Variants in KCNN2 observed in about 807,000 individuals in gnomAD.
The protein encoded by KCNN2 is potassium calcium-activated channel subfamily N member 2.
In KCNN2, 24 loss-of-function variants were observed where a neutral mutation model predicts 55.5. The ratio of observed to expected loss-of-function variants is 0.43; its 90% CI spans 0.31 to 0.61. The LOEUF is 0.61. KCNN2 is among the 20% of genes least tolerant of loss of function. KCNN2 has a pLI of 0.08. For synonymous variants in KCNN2, 431 were observed against 336.1 expected (o/e 1.28, Z -3.09); for missense variants, 754 against 853.6 (o/e 0.88, Z 1.45).
intron 2 of KCNN2, among the ~76,000 whole-genome samples, chr5:114,295,179 A>G (rs1755981535): frequency 6.6e-6 from 1 of 152,210 alleles, no homozygotes; most frequent in Admixed American, 6.5e-5. Context: ...CAGTCTGCCC[A>G]TTCTCAGATC....
At chr5:114,495,624 C>A (rs150141570) in intron 7 of KCNN2, among the ~76,000 whole-genome samples, 13 of 152,302 alleles carry the variant, frequency 8.5e-5, no homozygotes, top group African/African-American at 3.1e-4. Flanking sequence ...TTTTGTCTAT[C>A]CTGATACCAC....
In KCNN2 at chr5:114,420,611, G is replaced by C. The variant is rs115399202; in HGVS notation, c.1637+15755G>C. ...CAATACTACCTTTTCCATAAACAACGTTCATTCCTTAGAAGAGTATAAAAG... is the reference window on the plus strand; with the variant it reads ...CAATACTACCTTTTCCATAAACAACCTTCATTCCTTAGAAGAGTATAAAAG... On this transcript the variant is annotated intron_variant, in intron 3 of 7. Coordinates refer to ENST00000673685, the MANE Select transcript of KCNN2 (RefSeq NM_021614.4). Among the ~76,000 whole-genome samples, 1,057 of 152,228 alleles carry C rather than the reference G, an allele frequency of 6.9e-3. 10 individuals are homozygous for C. Among genetic ancestry groups the C allele is most frequent in the Admixed American group, 0.01 (157 of 15,300 alleles).
chr5:114,289,851 A>G (rs537434780), intron 2 of KCNN2, among the ~76,000 whole-genome samples: 1 of 152,304 alleles, frequency 6.6e-6, no homozygotes, highest in South Asian at 2.1e-4. Flanking sequence ...GCAATGTCCT[A>G]CAATTTTCAG....
chr5:114,091,900 G>A (rs938087347), intron 1 of KCNN2, among the ~76,000 whole-genome samples: 1 of 152,154 alleles, frequency 6.6e-6, no homozygotes, highest in African/African-American at 2.4e-5. Context: ...GGATTATGGG[G>A]ATTATGATTC....
intron 2 of KCNN2, among the ~76,000 whole-genome samples, chr5:114,294,325 C>A (rs1001941651): frequency 6.6e-6 from 1 of 151,924 alleles, no homozygotes; most frequent in Non-Finnish European, 1.5e-5. Context: ...CTCTTGTGGG[C>A]ATTTAGTGCT....
chr5:114,148,962 A>T (rs537568641), intron 1 of KCNN2, among the ~76,000 whole-genome samples: 1 of 152,124 alleles, frequency 6.6e-6, no homozygotes, highest in African/African-American at 2.4e-5. Context: ...AGTCAGCCCA[A>T]CCAGAAATAG....
rs1031147131 is a variant in KCNN2, at chr5:114,105,563, A to G, written c.-271+49063A>G. 2.0e-5 allele frequency among the ~76,000 whole-genome samples: 3 copies of G among 152,110 alleles called. No individual in the cohort carries two copies. In the East Asian group the frequency reaches 5.8e-4, roughly 29 times the overall value. ...AAGATGTGCTTTGCTTCCATTTATAACAATGTGTATACAATACTGCATTCA... is the reference window on the plus strand; with the variant it reads ...AAGATGTGCTTTGCTTCCATTTATAGCAATGTGTATACAATACTGCATTCA... On this transcript the variant is annotated intron_variant, in intron 1 of 10. Transcript: ENST00000512097.
chr5:114,270,914 G>A (rs1282172796), intron 2 of KCNN2, among the ~76,000 whole-genome samples: 1 of 152,168 alleles, frequency 6.6e-6, no homozygotes, highest in Non-Finnish European at 1.5e-5. Context: ...GACTTCAGGA[G>A]TGAAGCTGCA....
At chr5:114,224,306 A>G (rs1364590194) in intron 2 of KCNN2, among the ~76,000 whole-genome samples, 1 of 152,202 alleles carries the variant, frequency 6.6e-6, no homozygotes, top group African/African-American at 2.4e-5. Context: ...GATATGTTCA[A>G]TACTTTTGGT....
At chr5:114,166,625 A>G (rs1037763467) in intron 1 of KCNN2, among the ~76,000 whole-genome samples, 3 of 152,136 alleles carry the variant, frequency 2.0e-5, no homozygotes, top group African/African-American at 7.2e-5. Context: ...TTCTCTTGGG[A>G]GGCTTTCTTC....
chr5:114,106,643 GT>G (rs149036166), intron 1 of KCNN2, among the ~76,000 whole-genome samples: 106 of 69,914 alleles, frequency 1.5e-3, no homozygotes, highest in East Asian at 4.2e-3. Flanking sequence ...TTTTCCAGTT[GT>G]TTTTTTTTTT....
At chr5:114,380,685 T>C (rs1211394172) in intron 2 of KCNN2, among the ~76,000 whole-genome samples, 2 of 152,238 alleles carry the variant, frequency 1.3e-5, no homozygotes, top group African/African-American at 4.8e-5. Context: ...ATGACCTCTG[T>C]GATCCTTTGT....
At chr5:114,194,373 C>CT (rs1255455396) in intron 1 of KCNN2, among the ~76,000 whole-genome samples, 2 of 151,894 alleles carry the variant, frequency 1.3e-5, no homozygotes, top group Non-Finnish European at 2.9e-5. Context: ...TGTTGTCTGT[C>CT]TTTTTTATTA....
intron 2 of KCNN2, among the ~76,000 whole-genome samples, chr5:114,287,958 G>C (rs560117116): frequency 6.6e-6 from 1 of 152,258 alleles, no homozygotes; most frequent in South Asian, 2.1e-4. Context: ...ATGGTGCACA[G>C]AGATTAAAGG....
At chr5:114,180,984 C>T (rs1205919643) in intron 1 of KCNN2, among the ~76,000 whole-genome samples, 2 of 152,070 alleles carry the variant, frequency 1.3e-5, no homozygotes, top group Admixed American at 6.6e-5. Flanking sequence ...CTTTTTTATT[C>T]TTAAGTAGTA....
intron 4 of KCNN2, among the ~76,000 whole-genome samples, chr5:114,466,153 T>TAAAAGAAAACCACTCACTACCCTTC (rs559407090): frequency 1.0e-3 from 156 of 152,276 alleles, no homozygotes; most frequent in African/African-American, 3.6e-3. Context: ...ATAGAAGAAA[T>TAAAAGAAAACCACTCACTACCCTTC]AAAAGAAAAC....
intron 1 of KCNN2, among the ~76,000 whole-genome samples, chr5:114,154,809 G>T (rs1016932220): frequency 6.6e-6 from 1 of 152,086 alleles, no homozygotes; most frequent in African/African-American, 2.4e-5. Context: ...CATTACTAGG[G>T]TTGATCAGAC....
chr5:114,155,840 C>T (rs181238401), intron 1 of KCNN2, among the ~76,000 whole-genome samples: 98 of 152,256 alleles, frequency 6.4e-4, no homozygotes, highest in South Asian at 4.4e-3. Context: ...TGTCTGTTCA[C>T]TCTGTTGGTA....
Position 114,271,452 on chromosome 5 carries a change from A to T in KCNN2, c.-185+49887A>T, listed in dbSNP as rs201047557. ...AAGCCGGCCAGCTTCACCTCTCATT[A>T]CTACTAAATAAATAGTGTAAAAACT... is the stretch of plus-strand genomic sequence containing the variant. On this transcript the variant is annotated intron_variant, in intron 2 of 10. Coordinates refer to the KCNN2 transcript ENST00000512097. 3.9e-5 allele frequency among the ~76,000 whole-genome samples: 6 copies of T among 152,294 alleles called. No homozygotes were observed. In the East Asian group the frequency reaches 1.2e-3, roughly 29 times the overall value.
Sources: allele counts gnomAD v4.1 joint callset (sites outside exome capture counted in the v4.1 genomes callset), GRCh38; gene constraint gnomAD v4.1.1; transcripts MANE v1.5; gene names NCBI Gene and HGNC (gene_info 2026-07-23, HGNC 2026-07-21).